Variants in C18orf63 observed in about 807,000 individuals in gnomAD.
C18orf63 encodes the protein chromosome 18 open reading frame 63.
In C18orf63, 50 loss-of-function variants were observed where a neutral mutation model predicts 75.3. The ratio of observed to expected loss-of-function variants is 0.66; its 90% CI spans 0.53 to 0.84. The LOEUF (loss-of-function observed/expected upper bound fraction) is 0.84, where lower values mean the gene tolerates loss of function less well. Among genes scored for constraint, C18orf63 ranks in the 40% least tolerant of loss-of-function variants. C18orf63 has a pLI of 0.00. For synonymous variants in C18orf63, 232 were observed against 267.6 expected (o/e 0.87, Z 1.30); for missense variants, 732 against 800.2 (o/e 0.91, Z 1.03).
At chr18:74,317,692 G>A (rs1984048793) in intron 1 of C18orf63, 142 bp from the exon 2 acceptor site, 1 of 480,084 alleles carries the variant, frequency 2.1e-6, no homozygotes, top group Non-Finnish European at 3.6e-6. Context: ...AAATGGCAGG[G>A]ATACTTAACT....
intron 13 of C18orf63, 88 bp downstream of exon 13, chr18:74,354,634 G>T: frequency 1.6e-6 from 1 of 615,736 alleles, no homozygotes; most frequent in Non-Finnish European, 2.8e-6. Context: ...TTGGTAAAAA[G>T]CAGCTACTTT....
intron 2 of C18orf63, among the ~76,000 whole-genome samples, chr18:74,320,121 T>G (rs1005912602): frequency 6.6e-6 from 1 of 152,220 alleles, no homozygotes; most frequent in African/African-American, 2.4e-5. Context: ...ATTAGTCTGT[T>G]TTCACACTGC....
At chr18:74,325,330 G>T (rs1984190426) in intron 4 of C18orf63, among the ~76,000 whole-genome samples, 1 of 152,118 alleles carries the variant, frequency 6.6e-6, no homozygotes, top group African/African-American at 2.4e-5. Flanking sequence ...CCAAATATTT[G>T]AGGATTTTCC....
intron 7 of C18orf63, among the ~76,000 whole-genome samples, chr18:74,332,041 G>A (rs968920018): frequency 9.9e-5 from 15 of 152,244 alleles, no homozygotes; most frequent in Middle Eastern, 3.4e-3. Flanking sequence ...GTTCCAAACC[G>A]TGTGTGATCT....
chr18:74,322,837 T>G (rs1043522808), intron 4 of C18orf63, 83 bp downstream of exon 4: 3 of 445,626 alleles, frequency 6.7e-6, no homozygotes, highest in Non-Finnish European at 1.1e-5. Context: ...AAACAAAAAC[T>G]GGAGTATCTT....
intron 7 of C18orf63, among the ~76,000 whole-genome samples, chr18:74,335,189 A>C (rs1984371570): frequency 6.6e-6 from 1 of 152,184 alleles, no homozygotes; most frequent in South Asian, 2.1e-4. Flanking sequence ...GTAAAGATTT[A>C]TGGAATGAAT....
At chr18:74,322,799 G>A (rs1204564241) in intron 4 of C18orf63, 45 bp downstream of exon 4, 11 of 688,940 alleles carry the variant, frequency 1.6e-5, no homozygotes, top group Admixed American at 6.3e-5. Context: ...TGTTTATAGG[G>A]ATTATACGTT....
intron 11 of C18orf63, among the ~76,000 whole-genome samples, chr18:74,350,929 G>C (rs1210112077): frequency 6.6e-6 from 1 of 152,192 alleles, no homozygotes; most frequent in Non-Finnish European, 1.5e-5. Context: ...GGGTAGAGCT[G>C]TGCTAAACAG....
rs768586087 is a variant in C18orf63, at chr18:74,353,336, CAA to C, written c.1071_1072del (p.Leu359SerfsTer36). The C allele has an allele frequency of 1.8e-4, 282 of 1,536,376 alleles. 1 individual carries two copies. Among genetic ancestry groups the C allele is most frequent in the Middle Eastern group, 1.5e-3 (9 of 6,018 alleles). On this transcript the variant is annotated frameshift_variant, in exon 12 of 14. Transcript: ENST00000579455. LOFTEE classifies it high-confidence loss of function. ...QATSRKPACAQSLLPCSVAVD... is the reference protein window; with the variant it reads ...QATSRKPACAXSLLPCSVAVD... ...CACTTCCAGAAAGCCTGCCTGTGCT[CAA>C]AGTCTTCTACCATGTTCAGTAGCAG...
chr18:74,350,224 A>G (rs1285748373), intron 11 of C18orf63, among the ~76,000 whole-genome samples: 1 of 152,122 alleles, frequency 6.6e-6, no homozygotes, highest in Non-Finnish European at 1.5e-5. Context: ...TTGTACAGGG[A>G]GTCTTCAGAA....
chr18:74,324,445 A>G (rs1436785011), intron 4 of C18orf63, among the ~76,000 whole-genome samples: 1 of 152,164 alleles, frequency 6.6e-6, no homozygotes, highest in East Asian at 1.9e-4. Flanking sequence ...GAACTATGCC[A>G]TAGGAACTTT....
chr18:74,353,547 C>CA lies in C18orf63; in HGVS notation c.1280_1281insA (p.Gln428ProfsTer7). On this transcript the variant is annotated frameshift_variant, in exon 12 of 14. Transcript: ENST00000579455. LOFTEE classifies it high-confidence loss of function. ...CAAGTTCAGCACACAAATCTTAGCT[C>CA]CCAAAGCAACATCACCCCTAAGTTT... 5.9e-6 allele frequency: 9 copies of CA among 1,536,600 alleles called. No homozygotes were observed. Among genetic ancestry groups the CA allele is most frequent in the Non-Finnish European group, 7.8e-6 (9 of 1,147,014 alleles).
At chr18:74,330,839 G>T in intron 6 of C18orf63, 27 bp from the exon 7 acceptor site, 1 of 853,090 alleles carries the variant, frequency 1.2e-6, no homozygotes, top group Admixed American at 2.7e-5. Context: ...ATTCCAGGTA[G>T]TTCACAGTTA....
chr18:74,333,151 T>C lies in C18orf63; in HGVS notation c.501+2209T>C, dbSNP rs116412322. 7.7e-3 allele frequency among the ~76,000 whole-genome samples: 1,178 copies of C among 152,288 alleles called. 17 individuals carry two copies. The highest frequency in any genetic ancestry group is 0.026 in the African/African-American group (1,090 of 41,550). On this transcript the variant is annotated intron_variant, in intron 7 of 13. Transcript: ENST00000579455. Reference sequence around the variant, plus strand: ...ATTACTGGAAAGGAAAAACAGCTCTTGGAGGACATGGTTTATCTGAACCTT... The same window carrying C: ...ATTACTGGAAAGGAAAAACAGCTCTCGGAGGACATGGTTTATCTGAACCTT...
At chr18:74,336,928 C>G (rs1984400903) in intron 7 of C18orf63, among the ~76,000 whole-genome samples, 1 of 152,198 alleles carries the variant, frequency 6.6e-6, no homozygotes, top group East Asian at 1.9e-4. Flanking sequence ...ATGGACTCCT[C>G]TCTGCCTCCA....
Position 74,354,282 on chromosome 18 carries a change from T to G in C18orf63, c.2001+14T>G. 1 of 1,493,986 alleles carries G rather than the reference T, an allele frequency of 6.7e-7. No homozygotes were observed. Among genetic ancestry groups the G allele is most frequent in the South Asian group, 1.3e-5 (1 of 77,006 alleles). The allele number at this position is 1,493,986 out of a possible 1,614,324, so 92.5% of individuals were successfully genotyped here. A position where few individuals can be genotyped will look rare whatever the true frequency, so the allele number is the denominator to read the frequency against. The stretch of plus-strand genomic sequence containing the variant: ...TCTAAGAAGCAGGTAAAAAAAAAAT[T>G]AATCTGGCACTACTTATCATATGCT... On this transcript the variant is annotated intron_variant, in intron 12 of 13. Coordinates refer to ENST00000579455, the MANE Select transcript of C18orf63 (RefSeq NM_001174123.2).
Position 74,322,714 on chromosome 18 carries a change from C to T in C18orf63, c.230C>T (p.Ala77Val). 7.5e-7 allele frequency: 1 copy of T among 1,337,722 alleles called. No individual in the cohort carries two copies. The highest frequency in any genetic ancestry group is 1.4e-5 in the South Asian group (1 of 72,246). The allele number at this position is 1,337,722 out of a possible 1,614,324, so 82.9% of individuals were successfully genotyped here. A position where few individuals can be genotyped will look rare whatever the true frequency, so the allele number is the denominator to read the frequency against. ...TTGTTACAGATACCATTTTATAAAG[C>T]AAGAAAACTTAATGCCTATGTTGAA... ...WVVMAIPFYK[A>V]RKLNAYVEKY... The change falls in exon 4 of 14, where the codon GCA becomes GTA. Residue 77 changes from alanine (A) to valine (V), a missense_variant. Ala to Val is a moderately conservative substitution (Grantham distance 64). Around this residue, in one of 3 missense-constraint regions of C18orf63, gnomAD observed 233 missense variants for 272.7 expected, o/e 0.85. Coordinates refer to ENST00000579455, the MANE Select transcript of C18orf63 (RefSeq NM_001174123.2).
intron 12 of C18orf63, 42 bp downstream of exon 12, chr18:74,354,310 A>C (rs1984726768): frequency 7.1e-7 from 1 of 1,415,564 alleles, no homozygotes; most frequent in Admixed American, 2.7e-5. Flanking sequence ...CATATGCTAG[A>C]CCCTTAAAAC....
chr18:74,332,369 C>T (rs184279578), intron 7 of C18orf63, among the ~76,000 whole-genome samples: 5 of 152,174 alleles, frequency 3.3e-5, no homozygotes, highest in African/African-American at 1.2e-4. Flanking sequence ...TGGATTAATC[C>T]ATTCATGAGG....
Sources: allele counts gnomAD v4.1 joint callset (sites outside exome capture counted in the v4.1 genomes callset), GRCh38; gene constraint gnomAD v4.1.1; regional missense constraint gnomAD v4.1.1; transcripts MANE v1.5; gene names NCBI Gene and HGNC (gene_info 2026-07-23, HGNC 2026-07-21).